Variants in UBE2N observed in about 807,000 individuals in gnomAD.
UBE2N encodes ubiquitin conjugating enzyme E2 N.
For missense variants in UBE2N, 60 were observed against 192.1 expected, an observed-to-expected ratio of 0.31 and a Z score of 4.07; for synonymous variants, 70 against 69.2, an observed-to-expected ratio of 1.01 and a Z score of -0.06.
intron 1 of UBE2N, among the ~76,000 whole-genome samples, chr12:93,421,972 T>C (rs937261298): frequency 7.9e-5 from 12 of 152,192 alleles, no homozygotes; most frequent in African/African-American, 2.9e-4. Context: ...GAGGTGTGAG[T>C]TAGGATACTA....
rs970477834 is a variant in UBE2N, at chr12:93,407,008, T to C, written c.*3031A>G. On this transcript the variant is annotated 3_prime_UTR_variant, in exon 4 of 4. Coordinates refer to ENST00000318066, the MANE Select transcript of UBE2N (RefSeq NM_003348.4). ...ACCTCAAGATTTTAGAAAAGCCTCT[T>C]AACGGGCAATTTTCTTTTAAATAAA... The C allele has an allele frequency of 2.0e-5, 3 of 152,206 alleles. No individual in the cohort carries two copies. Among genetic ancestry groups the C allele is most frequent in the Non-Finnish European group, 4.4e-5 (3 of 68,040 alleles). The allele number at this position is 152,206 out of a possible 1,614,324, so 9.4% of individuals were successfully genotyped here. A position where few individuals can be genotyped will look rare whatever the true frequency, so the allele number is the denominator to read the frequency against.
chr12:93,416,467 GAGACA>G (rs1021294822), intron 1 of UBE2N, among the ~76,000 whole-genome samples: 1 of 107,396 alleles, frequency 9.3e-6, no homozygotes, highest in Non-Finnish European at 2.0e-5. Flanking sequence ...TTTTTTTTTT[GAGACA>G]AGTCTCGCTC....
At chr12:93,440,395 G>A (rs1406352917) in intron 1 of UBE2N, among the ~76,000 whole-genome samples, 1 of 152,150 alleles carries the variant, frequency 6.6e-6, no homozygotes, top group African/African-American at 2.4e-5. Flanking sequence ...CACATTATTA[G>A]ACTCCAGTGC....
intron 1 of UBE2N, among the ~76,000 whole-genome samples, chr12:93,418,301 T>G (rs1295084124): frequency 6.6e-6 from 1 of 152,070 alleles, no homozygotes; most frequent in African/African-American, 2.4e-5. Flanking sequence ...GAGTTCAAGG[T>G]TACAGTTAGC....
rs777015546 is a variant in UBE2N, at chr12:93,441,914, C to G, written c.-30G>C. On this transcript the variant is annotated 5_prime_UTR_variant, in exon 1 of 4. Coordinates refer to ENST00000318066, the MANE Select transcript of UBE2N (RefSeq NM_003348.4). ...TCAGAACCCGAGTTCGGCCTCTGGT[C>G]TCGTCTCCGGCTCCTCTCGCCTCAC... is the stretch of plus-strand genomic sequence containing the variant. 1 of 1,568,034 alleles carries G rather than the reference C, an allele frequency of 6.4e-7. No homozygotes were observed. Among genetic ancestry groups the G allele is most frequent in the Non-Finnish European group, 8.6e-7 (1 of 1,159,742 alleles).
chr12:93,416,414 G>A (rs906661516), intron 1 of UBE2N, among the ~76,000 whole-genome samples: 1 of 151,574 alleles, frequency 6.6e-6, no homozygotes, highest in African/African-American at 2.4e-5. Flanking sequence ...AAGTGAAGAA[G>A]TAAAGGGCTA....
intron 1 of UBE2N, among the ~76,000 whole-genome samples, chr12:93,437,041 T>A (rs1316177225): frequency 6.6e-6 from 1 of 152,006 alleles, no homozygotes; most frequent in Non-Finnish European, 1.5e-5. Context: ...GGTGGAAGAA[T>A]CACTTGAGCC....
At chr12:93,416,794 GAA>G (rs973254276) in intron 1 of UBE2N, among the ~76,000 whole-genome samples, 38 of 144,636 alleles carry the variant, frequency 2.6e-4, no homozygotes, top group Non-Finnish European at 5.4e-4. Context: ...GCAGGCAGGG[GAA>G]TCACTTGAGG....
intron 3 of UBE2N, chr12:93,410,445 T>A: frequency 1.9e-6 from 1 of 524,938 alleles, no homozygotes; most frequent in Non-Finnish European, 3.3e-6. Flanking sequence ...ACAGTTCAAG[T>A]TTTCCAGTAT....
chr12:93,405,826 A>G lies in UBE2N; in HGVS notation c.*4213T>C, dbSNP rs1202647932. ...GTGGCATGCCAAGTAGCTAAATGAA[A>G]TATCATCCCAGCCCAAAAGTACTTA... On this transcript the variant is annotated 3_prime_UTR_variant, in exon 4 of 4. Transcript: ENST00000318066. The G allele has an allele frequency of 6.6e-6, 1 of 152,212 alleles. No homozygotes were observed. The highest frequency in any genetic ancestry group is 1.5e-5 in the Non-Finnish European group (1 of 68,042). The allele number at this position is 152,212 out of a possible 1,614,324, so 9.4% of individuals were successfully genotyped here. A position where few individuals can be genotyped will look rare whatever the true frequency, so the allele number is the denominator to read the frequency against.
rs1317292718 is a variant in UBE2N, at chr12:93,406,685, G to T, written c.*3354C>A. The T allele has an allele frequency of 6.6e-6, 1 of 152,106 alleles. No individual in the cohort carries two copies. Among genetic ancestry groups the T allele is most frequent in the Non-Finnish European group, 1.5e-5 (1 of 68,030 alleles). 9.4% of individuals were successfully genotyped at this position (152,106 alleles called of 1,614,324 possible). ...AAACAATAGTGTAACTATTTACATA[G>T]CACTTACATTATAATAGGTATTATA... On this transcript the variant is annotated 3_prime_UTR_variant, in exon 4 of 4. Transcript: ENST00000318066.
intron 1 of UBE2N, among the ~76,000 whole-genome samples, chr12:93,419,853 A>G (rs1361705070): frequency 6.6e-6 from 1 of 152,168 alleles, no homozygotes; most frequent in Non-Finnish European, 1.5e-5. Context: ...AAACTAATAA[A>G]AGCAAACCAA....
rs1294261537 is a variant in UBE2N, at chr12:93,407,431, T to C, written c.*2608A>G. On this transcript the variant is annotated 3_prime_UTR_variant, in exon 4 of 4. Coordinates refer to ENST00000318066, the MANE Select transcript of UBE2N (RefSeq NM_003348.4). ...AACATGAAACACTTTTGTTGAATAA[T>C]GTGTTTCCTTTAGCCCAGGGATTAC... 2 of 152,232 alleles carry C rather than the reference T, an allele frequency of 1.3e-5. No individual in the cohort carries two copies. The highest frequency in any genetic ancestry group is 2.4e-5 in the African/African-American group (1 of 41,440). The allele number at this position is 152,232 out of a possible 1,614,324, so 9.4% of individuals were successfully genotyped here.
At chr12:93,425,843 C>T (rs569350662) in intron 1 of UBE2N, among the ~76,000 whole-genome samples, 2 of 152,206 alleles carry the variant, frequency 1.3e-5, no homozygotes, top group Non-Finnish European at 2.9e-5. Context: ...GAGATACCAG[C>T]CTTATCACTT....
chr12:93,410,709 G>A, intron 3 of UBE2N, 25 bp downstream of exon 3: 1 of 1,613,318 alleles, frequency 6.2e-7, no homozygotes, highest in Non-Finnish European at 8.5e-7. Flanking sequence ...TGGAAGTGGT[G>A]TGAAGGAGAA....
chr12:93,431,656 T>TG (rs1484505983), intron 1 of UBE2N, among the ~76,000 whole-genome samples: 2 of 152,240 alleles, frequency 1.3e-5, no homozygotes, highest in African/African-American at 4.8e-5. Flanking sequence ...GCTGCCACAC[T>TG]GCATGCTAGT....
intron 1 of UBE2N, among the ~76,000 whole-genome samples, chr12:93,423,433 A>G (rs1878479275): frequency 6.6e-6 from 1 of 152,172 alleles, no homozygotes; most frequent in Non-Finnish European, 1.5e-5. Context: ...ACTCTTTGGG[A>G]TTAAATGAAG....
At chr12:93,440,035 T>C (rs1272618951) in intron 1 of UBE2N, among the ~76,000 whole-genome samples, 1 of 152,190 alleles carries the variant, frequency 6.6e-6, no homozygotes, top group Non-Finnish European at 1.5e-5. Flanking sequence ...TATTTTTTCA[T>C]CCAAGGCTTT....
intron 1 of UBE2N, among the ~76,000 whole-genome samples, chr12:93,414,092 C>T (rs1439374617): frequency 8.0e-5 from 12 of 150,448 alleles, no homozygotes; most frequent in South Asian, 2.1e-4. Flanking sequence ...AGCCAGGAGG[C>T]GGAGGTTGCA....
Sources: gnomAD v4.1 joint callset for allele counts (sites outside exome capture counted in the v4.1 genomes callset) on GRCh38, gnomAD v4.1.1 for gene constraint, MANE v1.5 for transcripts, NCBI Gene and HGNC (gene_info 2026-07-23, HGNC 2026-07-21) for gene names.